Variants in ZFYVE16 observed in about 807,000 individuals in gnomAD.
The protein encoded by ZFYVE16 is zinc finger FYVE-type containing 16, also known as zinc finger FYVE domain-containing protein 16.
ZFYVE16 carries 89 observed loss-of-function variants against 138.1 expected under a neutral mutation model. That is an observed-to-expected ratio of 0.64 (90% CI 0.54 to 0.77). The LOEUF (loss-of-function observed/expected upper bound fraction) is 0.77, where lower values mean the gene tolerates loss of function less well. Among genes scored for constraint, ZFYVE16 ranks in the 30% least tolerant of loss-of-function variants. The pLI is 0.00. For missense variants in ZFYVE16, 1,793 were observed against 1,786.7 expected (o/e 1.00, Z -0.06); for synonymous variants, 596 against 618.3 (o/e 0.96, Z 0.53).
intron 18 of ZFYVE16, among the ~76,000 whole-genome samples, chr5:80,475,945 T>C (rs1754866845): frequency 6.6e-6 from 1 of 152,150 alleles, no homozygotes; most frequent in Non-Finnish European, 1.5e-5. Context: ...GAGAGCTCTT[T>C]CCCTCACATC....
intron 2 of ZFYVE16, among the ~76,000 whole-genome samples, chr5:80,431,743 C>G (rs1242515843): frequency 6.6e-6 from 1 of 152,198 alleles, no homozygotes; most frequent in East Asian, 1.9e-4. Flanking sequence ...AGCAAAGTCT[C>G]AGGATACAAA....
At chr5:80,471,843 T>C (rs1301872008) in intron 15 of ZFYVE16, among the ~76,000 whole-genome samples, 1 of 152,202 alleles carries the variant, frequency 6.6e-6, no homozygotes, top group African/African-American at 2.4e-5. Context: ...TTTTTCACTT[T>C]CTTAAGATGG....
intron 15 of ZFYVE16, among the ~76,000 whole-genome samples, chr5:80,464,346 G>T (rs769308996): frequency 2.0e-5 from 3 of 152,118 alleles, no homozygotes; most frequent in African/African-American, 4.8e-5. Context: ...AGGAAGAAGT[G>T]CTGAGCTAAG....
At chr5:80,410,949 T>G (rs1314409610) in intron 1 of ZFYVE16, among the ~76,000 whole-genome samples, 3 of 151,432 alleles carry the variant, frequency 2.0e-5, no homozygotes, top group African/African-American at 7.3e-5. Flanking sequence ...TGCCTTTTTT[T>G]TTTAAATTTA....
At chr5:80,447,307 A>G (rs1303828784) in intron 7 of ZFYVE16, among the ~76,000 whole-genome samples, 1 of 148,704 alleles carries the variant, frequency 6.7e-6, no homozygotes, top group Non-Finnish European at 1.5e-5. Context: ...AAAGATGAAT[A>G]TTTATCAGCT....
At chr5:80,421,196 G>A (rs976814483) in intron 1 of ZFYVE16, among the ~76,000 whole-genome samples, 3 of 151,908 alleles carry the variant, frequency 2.0e-5, no homozygotes, top group African/African-American at 7.3e-5. Context: ...CTGGATATTA[G>A]CCCTTTGTCA....
intron 15 of ZFYVE16, among the ~76,000 whole-genome samples, chr5:80,463,515 G>A (rs1753356827): frequency 6.6e-6 from 1 of 151,816 alleles, no homozygotes; most frequent in East Asian, 1.9e-4. Flanking sequence ...GTAATGGGAG[G>A]GACTGTTGTG....
intron 11 of ZFYVE16, chr5:80,454,084 A>AT (rs2112466583): frequency 6.6e-6 from 1 of 152,140 alleles, no homozygotes; most frequent in African/African-American, 2.4e-5. Context: ...AATATCTTGT[A>AT]TTTTTTTCAA....
chr5:80,462,835 C>T (rs1753279988), intron 15 of ZFYVE16, among the ~76,000 whole-genome samples: 1 of 152,156 alleles, frequency 6.6e-6, no homozygotes, highest in South Asian at 2.1e-4. Flanking sequence ...AGAAATTGGC[C>T]AAACTGAAGG....
intron 2 of ZFYVE16, among the ~76,000 whole-genome samples, chr5:80,432,203 A>C (rs1222906086): frequency 6.6e-6 from 1 of 152,230 alleles, no homozygotes; most frequent in Non-Finnish European, 1.5e-5. Context: ...GGCTACAGTA[A>C]CCAAAACAGC....
At chr5:80,476,833 TAG>T (rs1477327871) in intron 18 of ZFYVE16, among the ~76,000 whole-genome samples, 1 of 152,224 alleles carries the variant, frequency 6.6e-6, no homozygotes, top group African/African-American at 2.4e-5. Context: ...GCACCAATGT[TAG>T]AGTCTAATAT....
rs369909490 is a variant in ZFYVE16 at position 80,436,840 on chromosome 5, G to A, written c.155G>A (p.Arg52Gln). 61 of 1,613,966 alleles carry A rather than the reference G, an allele frequency of 3.8e-5. No individual in the cohort carries two copies. Among genetic ancestry groups the A allele is most frequent in the Admixed American group, 1.8e-4 (11 of 59,998 alleles). Residue 52 changes from arginine (R) to glutamine (Q), a missense_variant, in exon 4 of 19, where the codon CGA (arginine) becomes CAA (glutamine). Arg to Gln is a conservative substitution (Grantham distance 43). This residue lies in a region of ZFYVE16 where 1,295 missense variants were observed against 1,204.3 expected (regional missense o/e 1.08). Transcript: ENST00000505560. ...SVSSELASSQ[R>Q]TSLLPKDQEC... The stretch of plus-strand genomic sequence containing the variant: ...TCTTCAGAGTTGGCTTCCTCACAGC[G>A]AACTTCATTGCTCCCAAAAGACCAA...
At position 80,479,948 on chromosome 5, in the gene ZFYVE16, A is replaced by G. The variant is rs965152348; in HGVS notation, c.*2571A>G. ...GTTTAGAATTGCCCCAGTGATCTAA[A>G]GAATCTTAAGCACTGAGCTTCCTTT... is the stretch of plus-strand genomic sequence containing the variant. On this transcript the variant is annotated 3_prime_UTR_variant, in exon 19 of 19. Coordinates refer to ENST00000505560, the MANE Select transcript of ZFYVE16 (RefSeq NM_001284236.3). Among the ~76,000 whole-genome samples the G allele has an allele frequency of 6.6e-6, 1 of 152,238 alleles. No individual in the cohort carries two copies. The highest frequency in any genetic ancestry group is 2.4e-5 in the African/African-American group (1 of 41,466).
chr5:80,425,785 A>G (rs1747898665), intron 1 of ZFYVE16, among the ~76,000 whole-genome samples: 1 of 152,134 alleles, frequency 6.6e-6, no homozygotes, highest in Non-Finnish European at 1.5e-5. Context: ...TTGTTCTTCC[A>G]CATTTATTGA....
At position 80,445,303 on chromosome 5, in the gene ZFYVE16, T is replaced by C. The variant is rs752879320; in HGVS notation, c.2622T>C (p.Asp874=). The C allele has an allele frequency of 6.8e-6, 11 of 1,613,858 alleles. No homozygotes were observed. Among genetic ancestry groups the C allele is most frequent in the Admixed American group, 6.7e-5 (4 of 59,984 alleles). Residue 874 remains aspartate (D), a synonymous_variant, in exon 7 of 19, where the codon GAT becomes GAC. Transcript: ENST00000505560. ...SKEQKRVWFA[D]GILPNGEVAD... ...AACAGAAGAGAGTATGGTTTGCAGA[T>C]GGTATATTGCCCAATGGTGAAGTTG...
At chr5:80,455,888 G>A in intron 12 of ZFYVE16, 114 bp downstream of exon 12, 1 of 903,786 alleles carries the variant, frequency 1.1e-6, no homozygotes, top group African/African-American at 1.8e-5. Context: ...TTGGTATAAT[G>A]ACCATTCATT....
rs1753826954 is a variant in ZFYVE16, at chr5:80,467,112, G to C, written c.4025-5649G>C. Among the ~76,000 whole-genome samples, 4 of 152,312 alleles carry C rather than the reference G, an allele frequency of 2.6e-5. No homozygotes were observed. In the South Asian group the frequency reaches 8.3e-4, roughly 32 times the overall value. Reference sequence around the variant, plus strand: ...CTTTTCCTGACTCTAAGCTTACCCAGTGGGAAAAATCTTTTCTCAGGGAGT... The same window carrying C: ...CTTTTCCTGACTCTAAGCTTACCCACTGGGAAAAATCTTTTCTCAGGGAGT... On this transcript the variant is annotated intron_variant, in intron 15 of 18. Transcript: ENST00000505560.
chr5:80,421,334 C>T (rs1281313473), intron 1 of ZFYVE16, among the ~76,000 whole-genome samples: 1 of 152,140 alleles, frequency 6.6e-6, no homozygotes, highest in African/African-American at 2.4e-5. Context: ...GCTTTTGTTG[C>T]CATTGCTTTG....
At chr5:80,463,821 A>G (rs1255262789) in intron 15 of ZFYVE16, among the ~76,000 whole-genome samples, 2 of 152,114 alleles carry the variant, frequency 1.3e-5, no homozygotes, top group African/African-American at 2.4e-5. Flanking sequence ...TCCGCCAGAT[A>G]CCCTAAATTA....
Sources: allele counts gnomAD v4.1 joint callset (sites outside exome capture counted in the v4.1 genomes callset), GRCh38; gene constraint gnomAD v4.1.1; regional missense constraint gnomAD v4.1.1; transcripts MANE v1.5; gene names NCBI Gene and HGNC (gene_info 2026-07-23, HGNC 2026-07-21).